CFAP47: variants seen among roughly 807,000 people sequenced by gnomAD.
CFAP47 encodes the protein cilia and flagella associated protein 47, also known as cilia- and flagella-associated protein 47.
Under a neutral mutation model 148.1 loss-of-function variants are expected in CFAP47, and 29 were observed. The observed-to-expected ratio is 0.20, with a 90% CI of 0.15 to 0.27. CFAP47 has a LOEUF of 0.27. Among genes scored for constraint, CFAP47 ranks in the 10% least tolerant of loss-of-function variants. CFAP47 has a pLI of 1.00. For synonymous variants in CFAP47, 664 were observed against 577.3 expected (o/e 1.15, Z -2.15); for missense variants, 1,872 against 1,697.5 (o/e 1.10, Z -1.81).
chrX:36,167,254 A>T (rs1364407032), intron 39 of CFAP47, among the ~76,000 whole-genome samples: 1 of 111,535 alleles, frequency 9.0e-6, no homozygotes, highest in African/African-American at 3.3e-5. Flanking sequence ...AAATGAAATC[A>T]GTACTTTGGG....
At chrX:36,302,870 A>C (rs1556008060) in intron 53 of CFAP47, among the ~76,000 whole-genome samples, 1 of 112,319 alleles carries the variant, frequency 8.9e-6, no homozygotes, top group Non-Finnish European at 1.9e-5. Context: ...ATAAGTAAAC[A>C]TTATTCCTAA....
At chrX:36,311,051 C>A in intron 56 of CFAP47, 62 bp downstream of exon 56, 2 of 643,354 alleles carry the variant, frequency 3.1e-6, no homozygotes, top group South Asian at 5.1e-5. Flanking sequence ...CTTATTTTAT[C>A]ATAGAATCAA....
intron 41 of CFAP47, among the ~76,000 whole-genome samples, chrX:36,189,674 A>G (rs965855273): frequency 8.9e-6 from 1 of 111,990 alleles, no homozygotes; most frequent in Non-Finnish European, 1.9e-5. Flanking sequence ...ACTTAGATAG[A>G]TAAACATATA....
At chrX:35,959,097 C>G (rs985706030) in intron 8 of CFAP47, among the ~76,000 whole-genome samples, 2 of 112,406 alleles carry the variant, frequency 1.8e-5, no homozygotes, top group Non-Finnish European at 3.8e-5. Flanking sequence ...CCTTGATTTT[C>G]ATCCTGTGTT....
At chrX:35,938,942 C>A (rs1935957807) in intron 2 of CFAP47, among the ~76,000 whole-genome samples, 1 of 111,663 alleles carries the variant, frequency 9.0e-6, no homozygotes, top group Non-Finnish European at 1.9e-5. Context: ...TTTCAATTGT[C>A]CCTTAGTTTG....
chrX:36,364,516 A>G (rs782413382), intron 61 of CFAP47, among the ~76,000 whole-genome samples: 10 of 110,184 alleles, frequency 9.1e-5, no homozygotes, highest in African/African-American at 3.3e-4. Context: ...CACATCAGAT[A>G]AAGTGGATAG....
intron 49 of CFAP47, among the ~76,000 whole-genome samples, chrX:36,268,265 TAA>T (rs1940918864): frequency 8.8e-6 from 1 of 113,378 alleles, no homozygotes; most frequent in Admixed American, 9.3e-5. Flanking sequence ...CAATATATTT[TAA>T]AAGTTACTTA....
At chrX:36,112,469 G>A (rs964477089) in intron 33 of CFAP47, among the ~76,000 whole-genome samples, 4 of 111,510 alleles carry the variant, frequency 3.6e-5, no homozygotes, top group Non-Finnish European at 7.5e-5. Context: ...CCAAGAAGTG[G>A]TTGTTATGAT....
At chrX:36,023,036 T>G (rs1937176922) in intron 22 of CFAP47, among the ~76,000 whole-genome samples, 1 of 112,143 alleles carries the variant, frequency 8.9e-6, no homozygotes, top group African/African-American at 3.2e-5. Flanking sequence ...TGTTTGTCTG[T>G]GTCTGGGCAT....
intron 13 of CFAP47, among the ~76,000 whole-genome samples, chrX:35,972,513 G>A (rs1180413734): frequency 1.8e-5 from 2 of 111,402 alleles, no homozygotes; most frequent in East Asian, 2.8e-4. Context: ...ATTACAGAGT[G>A]TGAGCCACCG....
chrX:35,989,274 T>G, intron 15 of CFAP47, 45 bp from the exon 16 acceptor site: 1 of 1,001,306 alleles, frequency 1.0e-6, no homozygotes, highest in Non-Finnish European at 1.4e-6. Context: ...AGAAATACAA[T>G]TAAAATGTGG....
At chrX:36,356,116 CT>C (rs1242018919) in intron 60 of CFAP47, among the ~76,000 whole-genome samples, 1 of 111,937 alleles carries the variant, frequency 8.9e-6, no homozygotes, top group East Asian at 2.8e-4. Context: ...AGAGCAATCT[CT>C]CTCAAAATAG....
chrX:36,116,657 G>T (rs887847491), intron 33 of CFAP47, among the ~76,000 whole-genome samples: 5 of 111,022 alleles, frequency 4.5e-5, no homozygotes, highest in African/African-American at 1.6e-4. Context: ...ATATTTATGG[G>T]TTACATAAGA....
intron 15 of CFAP47, among the ~76,000 whole-genome samples, chrX:35,983,844 T>C (rs1047776261): frequency 2.7e-5 from 3 of 112,210 alleles, no homozygotes; most frequent in Admixed American, 9.4e-5. Flanking sequence ...CTTTCTGATG[T>C]GCTGTTGGAT....
intron 59 of CFAP47, 102 bp from the exon 60 acceptor site, chrX:36,353,427 C>A: frequency 1.4e-6 from 1 of 724,139 alleles, no homozygotes; most frequent in South Asian, 2.6e-5. Context: ...CAAAGTATAT[C>A]AAAGGAAGTT....
chrX:36,370,066 G>A (rs1941915293), intron 62 of CFAP47, among the ~76,000 whole-genome samples: 1 of 111,691 alleles, frequency 9.0e-6, no homozygotes, highest in African/African-American at 3.3e-5. Flanking sequence ...CCAAGTTACA[G>A]AAGAAGGTGA....
rs1942055753 is a variant in CFAP47 at position 36,379,366 on chromosome X, A to G, written c.9202A>G (p.Thr3068Ala). 2 of 1,166,061 alleles carry G rather than the reference A, an allele frequency of 1.7e-6. No homozygotes were observed. The highest frequency in any genetic ancestry group is 3.8e-5 in the South Asian group (2 of 52,589). The change falls in exon 63 of 64, where the codon ACC (threonine) becomes GCC (alanine). Residue 3068 changes from threonine to alanine, a missense_variant. Transcript: ENST00000378653. ...TTGTTCCAGAAATCCTGAGCCGTTC[A>G]CCGCACACTTCCTACCTGGCAGCGA... ...KSQTRNPEPF[T>A]AHFLPGSDLE... is the part of the protein sequence containing the mutation.
At chrX:36,025,357 G>A (rs1937204161) in intron 22 of CFAP47, among the ~76,000 whole-genome samples, 1 of 111,055 alleles carries the variant, frequency 9.0e-6, no homozygotes, top group African/African-American at 3.3e-5. Context: ...ATCTTGACTG[G>A]TAATTTCTGC....
intron 61 of CFAP47, among the ~76,000 whole-genome samples, 194 bp from the exon 62 acceptor site, chrX:36,366,772 A>G (rs1333009654): frequency 8.9e-6 from 1 of 111,958 alleles, no homozygotes; most frequent in Non-Finnish European, 1.9e-5. Flanking sequence ...GAATGAAAAT[A>G]TAATCTATGA....
Sources: allele counts gnomAD v4.1 joint callset (sites outside exome capture counted in the v4.1 genomes callset), GRCh38; gene constraint gnomAD v4.1.1; transcripts MANE v1.5; gene names NCBI Gene and HGNC (gene_info 2026-07-23, HGNC 2026-07-21).